RRAGB: variants seen among roughly 807,000 people sequenced by gnomAD.
RRAGB encodes the protein ras-related GTP-binding protein B.
RRAGB carries 6 observed loss-of-function variants against 29.3 expected under a neutral mutation model. That is an observed-to-expected ratio of 0.21 (90% CI 0.11 to 0.40). RRAGB has a LOEUF of 0.40. Among genes scored for constraint, RRAGB ranks in the 10% least tolerant of loss-of-function variants. The pLI is 1.00. For synonymous variants in RRAGB, 101 were observed against 92.5 expected (o/e 1.09, Z -0.53); for missense variants, 184 against 272.9 (o/e 0.67, Z 2.29).
At chrX:55,719,443 A>G (rs769043610) in intron 2 of RRAGB, 96 bp downstream of exon 2, 15 of 572,350 alleles carry the variant, frequency 2.6e-5, no homozygotes, top group Admixed American at 4.9e-5. Context: ...TTTCTGGACT[A>G]TTGCAGGAGC....
intron 5 of RRAGB, among the ~76,000 whole-genome samples, chrX:55,744,752 C>A (rs1302803002): frequency 8.9e-6 from 1 of 112,366 alleles, no homozygotes; most frequent in African/African-American, 3.2e-5. Flanking sequence ...GCCAGTGACT[C>A]CAAATGGCAT....
At chrX:55,727,215 G>A in intron 3 of RRAGB, 1 of 831,435 alleles carries the variant, frequency 1.2e-6, no homozygotes, top group Non-Finnish European at 1.6e-6. Flanking sequence ...TCTATCCCAT[G>A]TGCCCCATGT....
At chrX:55,725,305 C>T in intron 3 of RRAGB, among the ~76,000 whole-genome samples, 1 of 112,054 alleles carries the variant, frequency 8.9e-6, no homozygotes, top group Middle Eastern at 4.6e-3. Context: ...ATCACTGTAT[C>T]TCCTTACAGG....
chrX:55,741,405 A>G (rs1325423166), intron 5 of RRAGB, among the ~76,000 whole-genome samples: 1 of 112,197 alleles, frequency 8.9e-6, no homozygotes, highest in Non-Finnish European at 1.9e-5. Context: ...GTCTAACATC[A>G]TTTCCATATT....
intron 3 of RRAGB, among the ~76,000 whole-genome samples, chrX:55,728,753 T>G (rs778633533): frequency 1.8e-5 from 2 of 110,701 alleles, no homozygotes; most frequent in African/African-American, 6.6e-5. Context: ...TTAATGTTTG[T>G]GGTAGGTTAT....
At chrX:55,752,257 T>A (rs1735749183) in intron 6 of RRAGB, 1 of 751,514 alleles carries the variant, frequency 1.3e-6, no homozygotes, top group South Asian at 6.8e-5. Context: ...TAACCGTGAA[T>A]AAGGATGGAC....
intron 8 of RRAGB, among the ~76,000 whole-genome samples, 167 bp downstream of exon 8, chrX:55,756,099 G>A (rs1032877629): frequency 4.5e-5 from 5 of 111,647 alleles, no homozygotes; most frequent in African/African-American, 1.6e-4. Context: ...AATGCAGGTC[G>A]TTGTCCTTTA....
At chrX:55,718,490 C>G in intron 1 of RRAGB, 71 bp downstream of exon 1, 1 of 595,010 alleles carries the variant, frequency 1.7e-6, no homozygotes, top group African/African-American at 2.3e-5. Flanking sequence ...TGAATTAGAA[C>G]ACTTCTCCCC....
intron 6 of RRAGB, chrX:55,751,429 G>C (rs1446187580): frequency 3.3e-6 from 1 of 303,268 alleles, no homozygotes; most frequent in Non-Finnish European, 5.7e-6. Flanking sequence ...GAATTAGCCA[G>C]TTTGGTCATG....
chrX:55,722,345 C>T, intron 3 of RRAGB, 60 bp downstream of exon 3: 3 of 787,552 alleles, frequency 3.8e-6, no homozygotes, highest in Non-Finnish European at 3.8e-6. Flanking sequence ...ATCTGCATAA[C>T]ACACTTGGTT....
chrX:55,741,024 GA>G (rs1471685132), intron 5 of RRAGB, among the ~76,000 whole-genome samples: 12 of 83,146 alleles, frequency 1.4e-4, no homozygotes, highest in African/African-American at 4.3e-4. Flanking sequence ...ACTTCAAAAT[GA>G]TTTTTTTTTT....
intron 5 of RRAGB, among the ~76,000 whole-genome samples, chrX:55,738,498 C>T (rs1233609022): frequency 8.9e-6 from 1 of 112,431 alleles, no homozygotes; most frequent in Non-Finnish European, 1.9e-5. Flanking sequence ...CTAAAAATAG[C>T]CTTAGTGTGA....
intron 5 of RRAGB, 33 bp from the exon 6 acceptor site, chrX:55,751,068 A>C: frequency 2.4e-6 from 2 of 825,691 alleles, no homozygotes; most frequent in Non-Finnish European, 3.6e-6. Flanking sequence ...GAACTATTAT[A>C]TGCTGATCAG....
intron 1 of RRAGB, among the ~76,000 whole-genome samples, chrX:55,718,707 T>C (rs1776334787): frequency 9.0e-6 from 1 of 111,385 alleles, no homozygotes; most frequent in Non-Finnish European, 1.9e-5. Context: ...AAAGGAGATT[T>C]GCTGTCACCA....
intron 3 of RRAGB, among the ~76,000 whole-genome samples, chrX:55,726,182 T>C (rs1376893312): frequency 9.0e-6 from 1 of 110,968 alleles, no homozygotes; most frequent in African/African-American, 3.3e-5. Flanking sequence ...CATGAGCTGA[T>C]TTATATTTTA....
intron 8 of RRAGB, 91 bp downstream of exon 8, chrX:55,756,023 C>T (rs1400075854): frequency 3.3e-6 from 2 of 597,224 alleles, no homozygotes; most frequent in Non-Finnish European, 5.3e-6. Flanking sequence ...AACTGTACTT[C>T]TATATTCAGA....
At chrX:55,739,568 T>G (rs776313120) in intron 5 of RRAGB, among the ~76,000 whole-genome samples, 2 of 112,176 alleles carry the variant, frequency 1.8e-5, no homozygotes, top group South Asian at 7.6e-4. Flanking sequence ...AGCTTCTCAG[T>G]GGGAATGTGT....
chrX:55,747,460 G>A (rs1328411169), intron 5 of RRAGB, among the ~76,000 whole-genome samples: 1 of 111,812 alleles, frequency 8.9e-6, no homozygotes, highest in Non-Finnish European at 1.9e-5. Flanking sequence ...GGCAGTCATA[G>A]AAACTTTGTG....
At chrX:55,748,790 G>T (rs1370187230) in intron 5 of RRAGB, among the ~76,000 whole-genome samples, 1 of 108,629 alleles carries the variant, frequency 9.2e-6, no homozygotes, top group Non-Finnish European at 1.9e-5. Flanking sequence ...AGGTGGGGGG[G>T]TCAGCCCCCC....
Sources: allele counts gnomAD v4.1 joint callset (sites outside exome capture counted in the v4.1 genomes callset), GRCh38; gene constraint gnomAD v4.1.1; transcripts MANE v1.5; gene names NCBI Gene and HGNC (gene_info 2026-07-23, HGNC 2026-07-21).